Variants in SUMF1 observed in about 807,000 individuals in gnomAD.
SUMF1 encodes sulfatase modifying factor 1, also known as formylglycine-generating enzyme.
Under a neutral mutation model 47.6 loss-of-function variants are expected in SUMF1, and 48 were observed. The ratio of observed to expected loss-of-function variants is 1.01; its 90% confidence interval spans 0.80 to 1.28. The LOEUF (loss-of-function observed/expected upper bound fraction) is 1.28. SUMF1 is among the 50% of genes most tolerant of loss of function. The pLI is 0.00. For missense variants in SUMF1, 571 were observed against 485.4 expected (o/e 1.18, Z -1.66); for synonymous variants, 230 against 192.1 (o/e 1.20, Z -1.63).
At chr3:4,429,490 C>T (rs1033172555) in intron 3 of SUMF1, among the ~76,000 whole-genome samples, 2 of 152,154 alleles carry the variant, frequency 1.3e-5, no homozygotes, top group African/African-American at 2.4e-5. Context: ...GAAGACAGAA[C>T]ATAGAAAAGG....
At chr3:4,169,811 T>C (rs1694793168) in intron 8 of SUMF1, among the ~76,000 whole-genome samples, 1 of 152,154 alleles carries the variant, frequency 6.6e-6, no homozygotes, top group African/African-American at 2.4e-5. Flanking sequence ...AACAGTATAG[T>C]ATCAGGCATT....
At chr3:4,449,145 A>T in intron 3 of SUMF1, 121 bp downstream of exon 3, 1 of 1,092,572 alleles carries the variant, frequency 9.2e-7, no homozygotes, top group Non-Finnish European at 1.4e-6. Flanking sequence ...GTCAATCCTC[A>T]GCAGGAGAAT....
chr3:4,088,700 A>G (rs915491554), intron 8 of SUMF1, among the ~76,000 whole-genome samples: 1 of 152,106 alleles, frequency 6.6e-6, no homozygotes, highest in African/African-American at 2.4e-5. Flanking sequence ...CCTAGGATGG[A>G]GCCTGACATA....
chr3:4,422,803 T>C (rs964170269), intron 3 of SUMF1, among the ~76,000 whole-genome samples: 2 of 152,174 alleles, frequency 1.3e-5, no homozygotes, highest in South Asian at 4.1e-4. Flanking sequence ...ATTTATTTTT[T>C]AACTTTTTAT....
At chr3:4,359,345 A>G (rs1699690932), downstream of SUMF1, among the ~76,000 whole-genome samples, 1 of 151,998 alleles carries the variant, frequency 6.6e-6, no homozygotes, top group African/African-American at 2.4e-5. Context: ...TGGCACAATC[A>G]TAGTTCACTG....
rs1458696014 is a variant in SUMF1 at position 4,361,388 on chromosome 3, G to A, written c.*756C>T. The A allele has an allele frequency of 2.0e-5, 3 of 152,608 alleles. No individual in the cohort carries two copies. The highest frequency in any genetic ancestry group is 7.2e-5 in the African/African-American group (3 of 41,430). 9.5% of individuals were successfully genotyped at this position (152,608 alleles called of 1,614,324 possible). ...AAACAGAGCTTATGACTGCCCCTCTGAACCAAAGGCACTTAATGTTAAAAG... is the reference window on the plus strand; with the variant it reads ...AAACAGAGCTTATGACTGCCCCTCTAAACCAAAGGCACTTAATGTTAAAAG... On this transcript the variant is annotated 3_prime_UTR_variant, in exon 9 of 9. Transcript: ENST00000272902.
intron 8 of SUMF1, among the ~76,000 whole-genome samples, chr3:4,280,866 TG>T (rs1287959632): frequency 8.7e-6 from 1 of 114,488 alleles, no homozygotes; most frequent in Non-Finnish European, 1.9e-5. Flanking sequence ...TGTGTGTGTG[TG>T]TGTGTTCTGT....
At chr3:4,426,677 T>C (rs139824636) in intron 3 of SUMF1, among the ~76,000 whole-genome samples, 150 of 152,338 alleles carry the variant, frequency 9.8e-4, no homozygotes, top group African/African-American at 3.4e-3. Context: ...GTGTGTTGTT[T>C]ACAGAGCAGA....
At chr3:4,358,460 G>A (rs1699671524), downstream of SUMF1, among the ~76,000 whole-genome samples, 1 of 152,158 alleles carries the variant, frequency 6.6e-6, no homozygotes, top group East Asian at 1.9e-4. Context: ...AGCAGAAATA[G>A]CTCACAAGTG....
intron 8 of SUMF1, among the ~76,000 whole-genome samples, chr3:4,073,639 A>T (rs995651488): frequency 2.0e-5 from 3 of 152,180 alleles, no homozygotes; most frequent in African/African-American, 4.8e-5. Flanking sequence ...GTATGGGGGA[A>T]GATCTACCAA....
chr3:4,090,516 G>C, intron 8 of SUMF1, among the ~76,000 whole-genome samples: 1 of 152,078 alleles, frequency 6.6e-6, no homozygotes, highest in East Asian at 1.9e-4. Context: ...AATTAAGCAG[G>C]TTGGAAAAGA....
chr3:4,116,136 T>A (rs1269199606), intron 8 of SUMF1, among the ~76,000 whole-genome samples: 1 of 152,092 alleles, frequency 6.6e-6, no homozygotes, highest in Non-Finnish European at 1.5e-5. Flanking sequence ...TCATCCCCAA[T>A]GTATATGAGG....
At chr3:4,310,430 A>G (rs1269556888) in intron 8 of SUMF1, among the ~76,000 whole-genome samples, 2 of 152,198 alleles carry the variant, frequency 1.3e-5, no homozygotes, top group Non-Finnish European at 2.9e-5. Context: ...TTTATGGAGG[A>G]GAAATGGAAA....
In SUMF1 at chr3:4,265,940, C is replaced by G. The variant is rs968008362; in HGVS notation, c.1014+110390G>C. Among the ~76,000 whole-genome samples the G allele has an allele frequency of 2.0e-5, 3 of 152,044 alleles. 1 individual carries two copies. Among genetic ancestry groups the G allele is most frequent in the Non-Finnish European group, 2.9e-5 (2 of 67,994 alleles). On this transcript the variant is annotated intron_variant and NMD_transcript_variant, in intron 8 of 12. Transcript: ENST00000448413. The stretch of plus-strand genomic sequence containing the variant: ...AAGGAAGGGATCCAGTTTCAGCTTT[C>G]TACATATGGCTAGCCAGTTTTCCCA...
intron 8 of SUMF1, among the ~76,000 whole-genome samples, chr3:4,274,136 A>T (rs1420614687): frequency 1.3e-5 from 2 of 152,132 alleles, no homozygotes; most frequent in Non-Finnish European, 2.9e-5. Flanking sequence ...AACCACTCTA[A>T]GATATACACT....
intron 8 of SUMF1, among the ~76,000 whole-genome samples, chr3:4,179,523 A>G (rs1324358520): frequency 6.6e-6 from 1 of 152,190 alleles, no homozygotes; most frequent in Non-Finnish European, 1.5e-5. Context: ...CACACCTTAT[A>G]CAAAAATTAA....
intron 8 of SUMF1, among the ~76,000 whole-genome samples, chr3:4,090,089 G>A (rs1294610205): frequency 1.3e-5 from 2 of 152,150 alleles, no homozygotes; most frequent in Non-Finnish European, 2.9e-5. Context: ...CACTAGCACA[G>A]TGCCTGGCCA....
At chr3:4,316,197 TTA>T (rs1470368319) in intron 8 of SUMF1, 2 of 675,638 alleles carry the variant, frequency 3.0e-6, no homozygotes, top group Non-Finnish European at 5.4e-6. Flanking sequence ...TACTTGCTGT[TTA>T]TGTTTATTTT....
chr3:4,115,563 G>A (rs953959858), intron 8 of SUMF1, among the ~76,000 whole-genome samples: 1 of 117,014 alleles, frequency 8.5e-6, no homozygotes, highest in Non-Finnish European at 1.8e-5. Context: ...CGCTCCTCAC[G>A]ACCTGCCAGT....
Sources: allele counts gnomAD v4.1 joint callset (sites outside exome capture counted in the v4.1 genomes callset), GRCh38; gene constraint gnomAD v4.1.1; transcripts MANE v1.5; gene names NCBI Gene and HGNC (gene_info 2026-07-23, HGNC 2026-07-21).